Variants in SLC2A9 observed in about 807,000 individuals in gnomAD.
SLC2A9 encodes the protein solute carrier family 2 member 9.
Under a neutral mutation model 50.6 loss-of-function variants are expected in SLC2A9, and 39 were observed. The observed-to-expected ratio is 0.77, with a 90% CI of 0.60 to 1.01. SLC2A9 has a LOEUF of 1.01. Among genes scored for constraint, SLC2A9 ranks in the 50% least tolerant of loss-of-function variants. The probability of loss-of-function intolerance (pLI) is 0.00; values close to 1 mark genes in which losing one functional copy is unlikely to be tolerated. For missense variants in SLC2A9, 686 were observed against 677.6 expected (o/e 1.01, Z -0.14); for synonymous variants, 324 against 276.9 (o/e 1.17, Z -1.69).
chr4:10,026,591 C>T (rs975833678), intron 1 of SLC2A9, among the ~76,000 whole-genome samples: 7 of 152,084 alleles, frequency 4.6e-5, no homozygotes, highest in Admixed American at 4.6e-4. Context: ...TTCCAATGGC[C>T]GAGAGGTGGA....
intron 2 of SLC2A9, among the ~76,000 whole-genome samples, chr4:9,998,216 G>A (rs1332637308): frequency 6.6e-6 from 1 of 152,152 alleles, no homozygotes; most frequent in Non-Finnish European, 1.5e-5. Flanking sequence ...CAGTCCCCAA[G>A]GTACTTAGAG....
At chr4:9,980,864 T>C (rs911040606) in intron 4 of SLC2A9, 127 bp from the exon 5 acceptor site, 6 of 1,247,330 alleles carry the variant, frequency 4.8e-6, no homozygotes, top group African/African-American at 4.4e-5. Context: ...ACGGCATTTT[T>C]CCCAGCACTT....
At chr4:9,795,975 G>A (rs1408373408), downstream of SLC2A9, among the ~76,000 whole-genome samples, 1 of 152,194 alleles carries the variant, frequency 6.6e-6, no homozygotes. Flanking sequence ...CAGGTTGTAG[G>A]TACAAGTAAT....
rs151280073 is a variant in SLC2A9, at chr4:9,954,243, C to T, written c.682-12198G>A. On this transcript the variant is annotated intron_variant, in intron 5 of 11. Transcript: ENST00000264784. ...ATGAGCCAATGTGCCCAGCCAATGC[C>T]CAGTTCTTAGTAACACTCACTCAAC... Among the ~76,000 whole-genome samples, 18 of 152,374 alleles carry T rather than the reference C, an allele frequency of 1.2e-4. 1 individual carries two copies. The East Asian group carries it at 3.3e-3, about 28-fold the overall frequency.
chr4:9,997,733 A>G (rs1429660757), intron 2 of SLC2A9, among the ~76,000 whole-genome samples: 2 of 151,996 alleles, frequency 1.3e-5, no homozygotes, highest in African/African-American at 4.8e-5. Context: ...ACCTAACAAA[A>G]AAAAAATAGG....
chr4:9,986,593 C>A (rs1756766677), intron 3 of SLC2A9, among the ~76,000 whole-genome samples: 1 of 151,936 alleles, frequency 6.6e-6, no homozygotes, highest in Non-Finnish European at 1.5e-5. Flanking sequence ...TGGCTCCTTC[C>A]CTCCCTCCCT....
chr4:9,868,965 G>A (rs1452406934), intron 10 of SLC2A9, among the ~76,000 whole-genome samples: 1 of 152,120 alleles, frequency 6.6e-6, no homozygotes, highest in African/African-American at 2.4e-5. Flanking sequence ...ATATAAAGGG[G>A]AATGTTTTCC....
chr4:9,956,702 C>T (rs28677023), intron 5 of SLC2A9, among the ~76,000 whole-genome samples: 2 of 151,548 alleles, frequency 1.3e-5, no homozygotes, highest in Admixed American at 1.3e-4. Flanking sequence ...AAATTGTGAT[C>T]GTTCTAAAAT....
At chr4:9,879,548 C>T in intron 10 of SLC2A9, 8 of 985,282 alleles carry the variant, frequency 8.1e-6, no homozygotes, top group Non-Finnish European at 9.6e-6. Flanking sequence ...TGCAGTCTTT[C>T]CAGAGGGGTC....
downstream of SLC2A9, among the ~76,000 whole-genome samples, chr4:9,795,554 C>G (rs10012516): frequency 6.6e-6 from 1 of 151,920 alleles, no homozygotes; most frequent in Non-Finnish European, 1.5e-5. Flanking sequence ...ATTTTGCTTC[C>G]TTTGAATTCT....
At chr4:9,882,756 C>A (rs1348128748) in intron 10 of SLC2A9, among the ~76,000 whole-genome samples, 1 of 150,826 alleles carries the variant, frequency 6.6e-6, no homozygotes, top group East Asian at 1.9e-4. Context: ...AAGGATTTAG[C>A]AGCTGATCTA....
At chr4:9,845,935 T>C (rs1052286087) in intron 10 of SLC2A9, among the ~76,000 whole-genome samples, 1 of 152,272 alleles carries the variant, frequency 6.6e-6, no homozygotes, top group Non-Finnish European at 1.5e-5. Flanking sequence ...AGACTTAATC[T>C]TGTTCATCCA....
chr4:9,785,524 T>A (rs1366465309), intron 3 of SLC2A9, among the ~76,000 whole-genome samples: 2 of 152,262 alleles, frequency 1.3e-5, no homozygotes, highest in Non-Finnish European at 2.9e-5. Context: ...GTTTTTACAA[T>A]ATTCTGTTCT....
intron 7 of SLC2A9, among the ~76,000 whole-genome samples, chr4:9,916,431 C>T (rs1485055934): frequency 6.6e-6 from 1 of 152,180 alleles, no homozygotes; most frequent in Non-Finnish European, 1.5e-5. Context: ...GTTTCCCAAC[C>T]AAGACTGCAT....
chr4:9,802,882 T>A (rs1019973370), intron 3 of SLC2A9, among the ~76,000 whole-genome samples: 2 of 152,196 alleles, frequency 1.3e-5, no homozygotes, highest in Admixed American at 1.3e-4. Flanking sequence ...AGTTTTCTAA[T>A]CCTGCCTTAT....
chr4:10,039,972 CT>C (rs1367658088), intron 1 of SLC2A9, among the ~76,000 whole-genome samples: 2 of 152,260 alleles, frequency 1.3e-5, no homozygotes, highest in Non-Finnish European at 2.9e-5. Context: ...CCACCTGCCC[CT>C]GGCACATGAC....
intron 3 of SLC2A9, among the ~76,000 whole-genome samples, chr4:9,792,588 C>CCTG (rs896302904): frequency 6.6e-6 from 1 of 152,156 alleles, no homozygotes; most frequent in African/African-American, 2.4e-5. Context: ...CATGCAGCCA[C>CCTG]CTGCTGTTGC....
Position 10,018,557 on chromosome 4 carries a change from T to TAGAC in SLC2A9, c.249+417_249+418insGTCT, listed in dbSNP as rs1203291003. 2.6e-3 allele frequency among the ~76,000 whole-genome samples: 385 copies of TAGAC among 148,570 alleles called. 1 individual carries two copies. The highest frequency in any genetic ancestry group is 9.2e-3 in the African/African-American group (366 of 39,934). On this transcript the variant is annotated intron_variant, in intron 2 of 11. Coordinates refer to ENST00000264784, the MANE Select transcript of SLC2A9 (RefSeq NM_020041.3). Reference sequence around the variant, plus strand: ...CTCCATCTCAAAGATGATAGATAGATAGATAGATAGATAGATAGATAGATA... The same window carrying TAGAC: ...CTCCATCTCAAAGATGATAGATAGATAGACAGATAGATAGATAGATAGATAGATA...
At chr4:9,840,919 CAA>C (rs60330867) in intron 10 of SLC2A9, among the ~76,000 whole-genome samples, 117,774 of 151,854 alleles carry the variant, frequency 0.78, 46,652 homozygotes, top group Non-Finnish European at 0.85. Flanking sequence ...CAAAAGAGGA[CAA>C]AGAGAGAAAG....
Sources: gnomAD v4.1 joint callset for allele counts (sites outside exome capture counted in the v4.1 genomes callset) on GRCh38, gnomAD v4.1.1 for gene constraint, MANE v1.5 for transcripts, NCBI Gene and HGNC (gene_info 2026-07-23, HGNC 2026-07-21) for gene names.